The following SNTG1 variants were observed in gnomAD, a reference collection of about 807,000 sequenced individuals.
SNTG1 encodes syntrophin gamma 1, also known as gamma-1-syntrophin.
In SNTG1, 39 loss-of-function variants were observed where a neutral mutation model predicts 74.7. That is an observed-to-expected ratio of 0.52 (90% CI 0.40 to 0.68). The LOEUF is 0.68. Among genes scored for constraint, SNTG1 ranks in the 30% least tolerant of loss-of-function variants. SNTG1 has a pLI of 0.00. For missense variants in SNTG1, 685 were observed against 609.5 expected (o/e 1.12, Z -1.30); for synonymous variants, 254 against 217.1 (o/e 1.17, Z -1.49).
At chr8:50,777,958 T>C (rs1197459830) in intron 18 of SNTG1, among the ~76,000 whole-genome samples, 2 of 151,928 alleles carry the variant, frequency 1.3e-5, no homozygotes, top group Non-Finnish European at 2.9e-5. Flanking sequence ...CGGTGTTTGG[T>C]TTTTTGTTCT....
At chr8:50,195,731 G>A (rs1192916720) in intron 2 of SNTG1, among the ~76,000 whole-genome samples, 1 of 152,174 alleles carries the variant, frequency 6.6e-6, no homozygotes, top group African/African-American at 2.4e-5. Flanking sequence ...GGGGGTGTGT[G>A]TTCTGGAGAG....
At chr8:50,434,947 A>G (rs2093285387) in intron 4 of SNTG1, among the ~76,000 whole-genome samples, 1 of 152,040 alleles carries the variant, frequency 6.6e-6, no homozygotes, top group South Asian at 2.1e-4. Context: ...ACTTTTTTCC[A>G]TACAAATCTC....
intron 2 of SNTG1, among the ~76,000 whole-genome samples, chr8:50,372,325 TTATATAATATATTTTAAATTGATAA>T (rs2092288800): frequency 6.6e-6 from 1 of 151,854 alleles, no homozygotes; most frequent in African/African-American, 2.4e-5. Flanking sequence ...ATAAAATATC[TTATATAATATATTTTAAATTGATAA>T]CAACTTAACT....
intron 13 of SNTG1, among the ~76,000 whole-genome samples, chr8:50,601,713 GT>G (rs1366446735): frequency 6.6e-6 from 1 of 152,152 alleles, no homozygotes; most frequent in African/African-American, 2.4e-5. Flanking sequence ...AGTGCTGAAA[GT>G]TGGGTGTTGA....
At chr8:49,999,558 A>G (rs1331429373) in intron 1 of SNTG1, among the ~76,000 whole-genome samples, 1 of 152,036 alleles carries the variant, frequency 6.6e-6, no homozygotes, top group Non-Finnish European at 1.5e-5. Context: ...ATTCGTCCCT[A>G]TTCTTTTTGA....
At chr8:50,095,674 T>C (rs954824358) in intron 1 of SNTG1, among the ~76,000 whole-genome samples, 3 of 152,220 alleles carry the variant, frequency 2.0e-5, no homozygotes, top group Non-Finnish European at 4.4e-5. Flanking sequence ...CAGAAAAGAA[T>C]GTACAGAAAT....
chr8:50,607,115 T>G (rs950210177), intron 13 of SNTG1, among the ~76,000 whole-genome samples: 5 of 151,928 alleles, frequency 3.3e-5, no homozygotes, highest in African/African-American at 4.8e-5. Context: ...CAAGATCGTT[T>G]CTAACTTATT....
At chr8:50,694,888 T>TA (rs201393443) in intron 15 of SNTG1, among the ~76,000 whole-genome samples, 15,692 of 142,452 alleles carry the variant, frequency 0.11, 2,119 homozygotes, top group African/African-American at 0.32. Flanking sequence ...CTTTTATAAT[T>TA]AAAAAAAAAA....
intron 15 of SNTG1, among the ~76,000 whole-genome samples, chr8:50,664,917 G>T (rs1236247314): frequency 6.6e-6 from 1 of 152,078 alleles, no homozygotes; most frequent in Non-Finnish European, 1.5e-5. Flanking sequence ...ATTTGGCCAG[G>T]AAACCCTTAA....
In SNTG1 at chr8:50,484,124, C is replaced by CT. The variant is rs1237557478; in HGVS notation, c.364-18651dup. On this transcript the variant is annotated intron_variant, in intron 8 of 18. Transcript: ENST00000642720. ...TCTCTCTTTCTTTCTTTCTTTCTTT[C>CT]TTTCTTTCTTTCCTTCTTTCTTTCT... 7.4e-3 allele frequency among the ~76,000 whole-genome samples: 849 copies of CT among 114,972 alleles called. 19 individuals are homozygous for CT. Among genetic ancestry groups the CT allele is most frequent in the African/African-American group, 0.026 (815 of 31,056 alleles). The allele number at this position is 114,972 out of a possible 152,430, so 75.4% of individuals were successfully genotyped here.
chr8:50,435,429 CT>C (rs1563382858), intron 4 of SNTG1, among the ~76,000 whole-genome samples: 1 of 152,110 alleles, frequency 6.6e-6, no homozygotes, highest in East Asian at 1.9e-4. Flanking sequence ...CAGATATTGT[CT>C]GATTTATGAG....
intron 2 of SNTG1, among the ~76,000 whole-genome samples, chr8:50,295,995 T>C (rs1329946030): frequency 6.6e-6 from 1 of 152,328 alleles, no homozygotes; most frequent in East Asian, 1.9e-4. Flanking sequence ...ATTAATGTGA[T>C]GCTAGGCTGG....
At chr8:50,721,370 G>A (rs1471369224) in intron 17 of SNTG1, among the ~76,000 whole-genome samples, 1 of 152,082 alleles carries the variant, frequency 6.6e-6, no homozygotes, top group Non-Finnish European at 1.5e-5. Context: ...TTCAAGCTTT[G>A]AGCCAATTTT....
intron 2 of SNTG1, among the ~76,000 whole-genome samples, chr8:50,333,071 A>T (rs2091021657): frequency 6.6e-6 from 1 of 152,254 alleles, no homozygotes; most frequent in Non-Finnish European, 1.5e-5. Context: ...AAAAACAAAT[A>T]AAAAACTTTT....
intron 1 of SNTG1, among the ~76,000 whole-genome samples, chr8:49,947,471 AG>A (rs1171699832): frequency 6.6e-6 from 1 of 152,200 alleles, no homozygotes; most frequent in Non-Finnish European, 1.5e-5. Context: ...AAGCAACCAG[AG>A]GGCTTTTACC....
At chr8:50,216,687 C>T (rs1414861804) in intron 2 of SNTG1, among the ~76,000 whole-genome samples, 1 of 151,926 alleles carries the variant, frequency 6.6e-6, no homozygotes, top group African/African-American at 2.4e-5. Flanking sequence ...AGAAAAATAA[C>T]CATGGATCGT....
intron 1 of SNTG1, among the ~76,000 whole-genome samples, chr8:50,055,166 C>T (rs1220264072): frequency 1.3e-5 from 2 of 152,028 alleles, no homozygotes; most frequent in South Asian, 2.1e-4. Flanking sequence ...GCTGAATGTT[C>T]GGAACTCACT....
intron 2 of SNTG1, among the ~76,000 whole-genome samples, chr8:50,203,380 C>A (rs904531841): frequency 2.6e-5 from 4 of 152,108 alleles, no homozygotes. Context: ...GTTCACCTGT[C>A]TCTGCAGATT....
intron 2 of SNTG1, among the ~76,000 whole-genome samples, chr8:50,319,468 G>A (rs2090444657): frequency 6.6e-6 from 1 of 152,080 alleles, no homozygotes; most frequent in South Asian, 2.1e-4. Context: ...AGTTTTTTAG[G>A]GAAGTCTTTA....
Sources: gnomAD v4.1 joint callset for allele counts (sites outside exome capture counted in the v4.1 genomes callset) on GRCh38, gnomAD v4.1.1 for gene constraint, MANE v1.5 for transcripts, NCBI Gene and HGNC (gene_info 2026-07-23, HGNC 2026-07-21) for gene names.